ST18: variants seen among roughly 807,000 people sequenced by gnomAD.
ST18 encodes the protein suppression of tumorigenicity 18 protein.
A neutral mutation model predicts 110.0 loss-of-function variants in ST18; 50 were observed. The ratio of observed to expected loss-of-function variants is 0.45; its 90% CI spans 0.36 to 0.58. The LOEUF is 0.58. ST18 is among the 20% of genes least tolerant of loss of function. The probability of loss-of-function intolerance (pLI) is 0.00; values close to 1 mark genes in which losing one functional copy is unlikely to be tolerated. For missense variants in ST18, 1,306 were observed against 1,280.1 expected, an observed-to-expected ratio of 1.02 and a Z score of -0.31; for synonymous variants, 461 against 452.4, an observed-to-expected ratio of 1.02 and a Z score of -0.24.
chr8:52,282,854 A>G (rs1050009336), intron 2 of ST18, among the ~76,000 whole-genome samples: 4 of 152,098 alleles, frequency 2.6e-5, no homozygotes, highest in African/African-American at 9.7e-5. Context: ...AGGAAGATGC[A>G]AGACCTTGGA....
chr8:52,358,953 T>C (rs6473720), intron 2 of ST18, among the ~76,000 whole-genome samples: 119,340 of 151,826 alleles, frequency 0.79, 50,256 homozygotes, highest in Non-Finnish European at 0.93. Flanking sequence ...CTTATGAATA[T>C]ACAAGCAAAA....
rs541539151 is a variant in ST18 at position 52,323,429 on chromosome 8, T to A, written c.-465+85899A>T. ...CATTGTCACAAAGGAGAAAGATCTG[T>A]CTAGCATTTCTGGTTTATTGTGGTG... On this transcript the variant is annotated intron_variant, in intron 2 of 25. Transcript: ENST00000689386. Among the ~76,000 whole-genome samples, 10 of 152,304 alleles carry A rather than the reference T, an allele frequency of 6.6e-5. No homozygotes were observed. The South Asian group carries it at 2.1e-3, about 32-fold the overall frequency.
At chr8:52,190,887 C>T (rs557314925) in intron 8 of ST18, among the ~76,000 whole-genome samples, 1 of 152,270 alleles carries the variant, frequency 6.6e-6, no homozygotes, top group Admixed American at 6.5e-5. Context: ...TCGGGGCACA[C>T]CATATCGGTG....
rs1162115959 is a variant in ST18 at position 52,136,588 on chromosome 8, A to G, written c.2300+2T>C. Reference sequence around the variant, plus strand: ...CAAGCCGGCCACGCTTCCCGCACTTACTTAAGCTCCTGAGAGTTGGCAGCC... The same window carrying G: ...CAAGCCGGCCACGCTTCCCGCACTTGCTTAAGCTCCTGAGAGTTGGCAGCC... On this transcript the variant is annotated splice_donor_variant, in intron 19 of 25. Coordinates refer to ENST00000689386, the MANE Select transcript of ST18 (RefSeq NM_001352837.2). LOFTEE classifies it high-confidence loss of function. 1 of 1,609,794 alleles carries G rather than the reference A, an allele frequency of 6.2e-7. No homozygotes were observed. Among genetic ancestry groups the G allele is most frequent in the Non-Finnish European group, 8.5e-7 (1 of 1,178,354 alleles).
intron 8 of ST18, chr8:52,206,551 G>A (rs1252444962): frequency 2.0e-5 from 3 of 152,210 alleles, no homozygotes; most frequent in African/African-American, 7.2e-5. Context: ...ATCACACAGA[G>A]GCATGGACAA....
At chr8:52,295,988 T>G (rs1306636197) in intron 2 of ST18, among the ~76,000 whole-genome samples, 1 of 151,722 alleles carries the variant, frequency 6.6e-6, no homozygotes, top group East Asian at 1.9e-4. Context: ...TCTACCACAA[T>G]GTCTTGCTGG....
At chr8:52,114,256 C>T (rs539782923) in intron 25 of ST18, among the ~76,000 whole-genome samples, 1 of 152,232 alleles carries the variant, frequency 6.6e-6, no homozygotes, top group South Asian at 2.1e-4. Flanking sequence ...AGGTGTGAGC[C>T]ACCATGCTTG....
chr8:52,387,304 G>A (rs1440763415), intron 2 of ST18, among the ~76,000 whole-genome samples: 2 of 152,020 alleles, frequency 1.3e-5, no homozygotes, highest in African/African-American at 4.8e-5. Context: ...TCTCTGTCTT[G>A]GAGAGTTCAA....
chr8:52,210,095 T>A (rs1310518559), intron 8 of ST18: 2 of 456,016 alleles, frequency 4.4e-6, no homozygotes, highest in Non-Finnish European at 8.8e-6. Context: ...GTAAGTGGCC[T>A]CATGTCCACG....
At chr8:52,322,273 T>C (rs775744979) in intron 2 of ST18, among the ~76,000 whole-genome samples, 26 of 152,238 alleles carry the variant, frequency 1.7e-4, no homozygotes, top group Non-Finnish European at 3.2e-4. Context: ...ACAGGCTGGC[T>C]GTCTTGTGAG....
chr8:52,211,991 A>G (rs1364315291), intron 8 of ST18, 88 bp downstream of exon 8: 2 of 1,423,896 alleles, frequency 1.4e-6, no homozygotes, highest in African/African-American at 1.4e-5. Flanking sequence ...TCTGCTAAAA[A>G]AAGTATTCTG....
At position 52,289,768 on chromosome 8, in the gene ST18, T is replaced by C. The variant is rs139893670; in HGVS notation, c.-464-59691A>G. Among the ~76,000 whole-genome samples the C allele has an allele frequency of 6.0e-3, 913 of 152,240 alleles. 5 individuals carry two copies. Among genetic ancestry groups the C allele is most frequent in the African/African-American group, 0.021 (866 of 41,544 alleles). On this transcript the variant is annotated intron_variant, in intron 2 of 25. Coordinates refer to ENST00000689386, the MANE Select transcript of ST18 (RefSeq NM_001352837.2). ...TTGCAGGGGCTCATCAGCTTCTCTT[T>C]GACGTCCATCCCAGTGGTGGGAAGC...
intron 2 of ST18, among the ~76,000 whole-genome samples, chr8:52,280,068 T>C (rs1413661367): frequency 6.6e-6 from 1 of 152,098 alleles, no homozygotes; most frequent in Non-Finnish European, 1.5e-5. Flanking sequence ...AAGAAGCCCA[T>C]GGTTGCACTG....
chr8:52,340,612 G>A (rs757340131), intron 2 of ST18, among the ~76,000 whole-genome samples: 8 of 152,050 alleles, frequency 5.3e-5, no homozygotes, highest in Non-Finnish European at 1.2e-4. Context: ...TAGATGATTC[G>A]CACTCATTCT....
chr8:52,345,203 C>T (rs1817174250), intron 2 of ST18, among the ~76,000 whole-genome samples: 2 of 152,132 alleles, frequency 1.3e-5, no homozygotes, highest in South Asian at 4.1e-4. Context: ...AGGACGTACT[C>T]ATCATAACAA....
At chr8:52,394,098 C>T (rs1330120491) in intron 2 of ST18, among the ~76,000 whole-genome samples, 1 of 152,054 alleles carries the variant, frequency 6.6e-6, no homozygotes, top group Admixed American at 6.6e-5. Context: ...GTGGTGTGTT[C>T]TCTACCAGAA....
intron 3 of ST18, among the ~76,000 whole-genome samples, chr8:52,224,327 T>G (rs2088321887): frequency 6.6e-6 from 1 of 152,190 alleles, no homozygotes; most frequent in African/African-American, 2.4e-5. Flanking sequence ...TAGCAAGAGA[T>G]TATATATTTA....
intron 2 of ST18, among the ~76,000 whole-genome samples, chr8:52,274,801 A>C (rs2095185410): frequency 6.6e-6 from 1 of 152,156 alleles, no homozygotes; most frequent in Non-Finnish European, 1.5e-5. Flanking sequence ...GTCTATAAAA[A>C]ACGGTTAATT....
chr8:52,319,245 A>C (rs1258806220), intron 2 of ST18, among the ~76,000 whole-genome samples: 1 of 152,212 alleles, frequency 6.6e-6, no homozygotes, highest in Non-Finnish European at 1.5e-5. Flanking sequence ...TGTTTGAAAG[A>C]AAATGCATTT....
Sources: allele counts gnomAD v4.1 joint callset (sites outside exome capture counted in the v4.1 genomes callset), GRCh38; gene constraint gnomAD v4.1.1; transcripts MANE v1.5; gene names NCBI Gene and HGNC (gene_info 2026-07-23, HGNC 2026-07-21).